The following COL8A1 variants were observed in gnomAD, a reference collection of about 807,000 sequenced individuals.
COL8A1 encodes the protein collagen alpha-1(VIII) chain.
A neutral mutation model predicts 42.7 loss-of-function variants in COL8A1; 21 were observed. That is an observed-to-expected ratio of 0.49 (90% confidence interval 0.35 to 0.71). The LOEUF is 0.71. Among genes scored for constraint, COL8A1 ranks in the 30% least tolerant of loss-of-function variants. COL8A1 has a pLI of 0.01. For missense variants in COL8A1, 788 were observed against 962.4 expected (o/e 0.82, Z 2.40); for synonymous variants, 367 against 369.1 (o/e 0.99, Z 0.06).
chr3:99,659,788 T>C (rs73858886), intron 1 of COL8A1, among the ~76,000 whole-genome samples: 1,575 of 152,306 alleles, frequency 0.01, 25 homozygotes, highest in African/African-American at 0.036. Flanking sequence ...ACTCGATTTC[T>C]GTTTATCTGC....
At chr3:99,679,414 A>G (rs1250164680) in intron 1 of COL8A1, 1 of 152,178 alleles carries the variant, frequency 6.6e-6, no homozygotes, top group African/African-American at 2.4e-5. Context: ...ATCCCCAGAA[A>G]ATAGAAAAAG....
chr3:99,706,170 C>A (rs921908113), intron 1 of COL8A1, among the ~76,000 whole-genome samples: 1 of 152,138 alleles, frequency 6.6e-6, no homozygotes, highest in African/African-American at 2.4e-5. Context: ...CCACTATACA[C>A]CCCACAAAAA....
At chr3:99,768,748 G>T (rs1941519297) in intron 2 of COL8A1, among the ~76,000 whole-genome samples, 1 of 152,150 alleles carries the variant, frequency 6.6e-6, no homozygotes, top group Admixed American at 6.5e-5. Context: ...AACTCTACCG[G>T]AGGTCTTCCT....
At chr3:99,753,080 A>T (rs1178036675) in intron 2 of COL8A1, among the ~76,000 whole-genome samples, 1 of 152,196 alleles carries the variant, frequency 6.6e-6, no homozygotes, top group Non-Finnish European at 1.5e-5. Context: ...ACCTTTATAT[A>T]TGATGCTATG....
chr3:99,775,895 T>C (rs1367990173), intron 2 of COL8A1, among the ~76,000 whole-genome samples: 1 of 152,186 alleles, frequency 6.6e-6, no homozygotes, highest in African/African-American at 2.4e-5. Flanking sequence ...AAAATCTGGG[T>C]ATTGAGGAAA....
At chr3:99,715,726 A>G (rs920101614) in intron 1 of COL8A1, among the ~76,000 whole-genome samples, 6 of 152,034 alleles carry the variant, frequency 3.9e-5, no homozygotes, top group Non-Finnish European at 8.8e-5. Flanking sequence ...GAATATAAAA[A>G]CATGAGAGAA....
At chr3:99,715,394 A>G (rs1939968310) in intron 1 of COL8A1, among the ~76,000 whole-genome samples, 1 of 152,104 alleles carries the variant, frequency 6.6e-6, no homozygotes, top group African/African-American at 2.4e-5. Context: ...GACCGTTCAG[A>G]TGTGAGAAAC....
intron 2 of COL8A1, among the ~76,000 whole-genome samples, chr3:99,788,799 G>A (rs1181242081): frequency 6.6e-6 from 1 of 152,196 alleles, no homozygotes; most frequent in Admixed American, 6.5e-5. Context: ...GGATGTATAT[G>A]ATATGTGCAT....
At chr3:99,784,004 G>C (rs536872711) in intron 2 of COL8A1, among the ~76,000 whole-genome samples, 17 of 152,250 alleles carry the variant, frequency 1.1e-4, no homozygotes, top group African/African-American at 4.1e-4. Flanking sequence ...TGTATTCCTA[G>C]TCAGAAAACC....
At chr3:99,721,221 A>G (rs1940141745) in intron 1 of COL8A1, among the ~76,000 whole-genome samples, 1 of 152,058 alleles carries the variant, frequency 6.6e-6, no homozygotes, top group African/African-American at 2.4e-5. Context: ...TTACTCAGGG[A>G]ACAATTAATG....
chr3:99,670,043 T>C (rs891448009), intron 1 of COL8A1, among the ~76,000 whole-genome samples: 4 of 152,064 alleles, frequency 2.6e-5, no homozygotes, highest in African/African-American at 7.2e-5. Context: ...AAAGAAGAGA[T>C]GGTTTATATT....
At chr3:99,752,537 TTA>T (rs1238120052) in intron 2 of COL8A1, among the ~76,000 whole-genome samples, 2 of 152,116 alleles carry the variant, frequency 1.3e-5, no homozygotes, top group Non-Finnish European at 2.9e-5. Context: ...GAACTCCTAC[TTA>T]TCACCCAAGG....
intron 1 of COL8A1, among the ~76,000 whole-genome samples, chr3:99,732,605 C>T (rs1940549469): frequency 6.6e-6 from 1 of 152,102 alleles, no homozygotes; most frequent in Non-Finnish European, 1.5e-5. Context: ...CCTCCCATGA[C>T]ACATGGGGAT....
At chr3:99,728,832 A>G (rs1432362411) in intron 1 of COL8A1, among the ~76,000 whole-genome samples, 1 of 152,036 alleles carries the variant, frequency 6.6e-6, no homozygotes, top group African/African-American at 2.4e-5. Context: ...GGTTCAATTT[A>G]AGATTTGCTC....
chr3:99,770,706 C>A (rs1057301871), intron 2 of COL8A1, among the ~76,000 whole-genome samples: 1 of 152,192 alleles, frequency 6.6e-6, no homozygotes, highest in African/African-American at 2.4e-5. Flanking sequence ...ATGGTGTCAT[C>A]CATTCAATCA....
At chr3:99,764,701 C>CTTTTTTTTTTTTTTTTTTTTTTTT in intron 2 of COL8A1, among the ~76,000 whole-genome samples, 1 of 125,052 alleles carries the variant, frequency 8.0e-6, no homozygotes, top group Non-Finnish European at 1.6e-5. Flanking sequence ...TCTTTTTTTT[C>CTTTTTTTTTTTTTTTTTTTTTTTT]TTTTTTTTTT....
chr3:99,761,692 T>G (rs182782445), intron 2 of COL8A1, among the ~76,000 whole-genome samples: 1 of 152,136 alleles, frequency 6.6e-6, no homozygotes, highest in Admixed American at 6.5e-5. Context: ...ATGGAGTCCT[T>G]CCCTCTCTCC....
At chr3:99,714,701 G>T (rs1939945251) in intron 1 of COL8A1, among the ~76,000 whole-genome samples, 1 of 151,954 alleles carries the variant, frequency 6.6e-6, no homozygotes, top group South Asian at 2.1e-4. Context: ...TAGGCTCTGG[G>T]AATAAAGTAA....
rs1248930720 is a variant in COL8A1, at chr3:99,796,381, A to G, written c.*245A>G. The G allele has an allele frequency of 2.8e-6, 1 of 356,486 alleles. No individual in the cohort carries two copies. Among genetic ancestry groups the G allele is most frequent in the African/African-American group, 2.0e-5 (1 of 48,866 alleles). The allele number at this position is 356,486 out of a possible 1,614,324, so 22.1% of individuals were successfully genotyped here. A position where few individuals can be genotyped will look rare whatever the true frequency, so the allele number is the denominator to read the frequency against. Reference sequence around the variant, plus strand: ...GTATCAAGTACTGACACTTGGTTGTACCCACTGGAATCATATTAGCTGTTT... The same window carrying G: ...GTATCAAGTACTGACACTTGGTTGTGCCCACTGGAATCATATTAGCTGTTT... On this transcript the variant is annotated 3_prime_UTR_variant, in exon 4 of 4. Transcript: ENST00000652472.
Sources: allele counts gnomAD v4.1 joint callset (sites outside exome capture counted in the v4.1 genomes callset), GRCh38; gene constraint gnomAD v4.1.1; transcripts MANE v1.5; gene names NCBI Gene and HGNC (gene_info 2026-07-23, HGNC 2026-07-21).